PRTFDC1: variants seen among roughly 807,000 people sequenced by gnomAD.
PRTFDC1 encodes the protein phosphoribosyl transferase domain containing 1.
A neutral mutation model predicts 34.6 loss-of-function variants in PRTFDC1; 38 were observed. That is an observed-to-expected ratio of 1.10 (90% confidence interval 0.85 to 1.44). PRTFDC1 has a LOEUF of 1.44. Ranked by LOEUF, PRTFDC1 falls within the 40% of genes most tolerant of loss-of-function variation. The pLI is 0.00. For synonymous variants in PRTFDC1, 93 were observed against 98.1 expected (o/e 0.95, Z 0.31); for missense variants, 270 against 283.0 (o/e 0.95, Z 0.33).
At chr10:24,854,916 T>C (rs976788229) in intron 7 of PRTFDC1, among the ~76,000 whole-genome samples, 5 of 152,166 alleles carry the variant, frequency 3.3e-5, no homozygotes, top group Non-Finnish European at 7.4e-5. Context: ...CCATAGCACC[T>C]CTCCTTGTCT....
chr10:24,946,383 C>G (rs1289004799), intron 1 of PRTFDC1, among the ~76,000 whole-genome samples: 1 of 151,800 alleles, frequency 6.6e-6, no homozygotes, highest in Non-Finnish European at 1.5e-5. Flanking sequence ...TGATGTTTGA[C>G]GCATAATGCC....
chr10:24,908,731 C>G (rs1305240705), intron 3 of PRTFDC1: 1 of 1,528,602 alleles, frequency 6.5e-7, no homozygotes, highest in Admixed American at 2.0e-5. Context: ...AAGGAGACAC[C>G]TACCTAGCCA....
At chr10:24,936,061 G>A (rs1342743032) in intron 3 of PRTFDC1, among the ~76,000 whole-genome samples, 1 of 152,168 alleles carries the variant, frequency 6.6e-6, no homozygotes, top group Non-Finnish European at 1.5e-5. Flanking sequence ...AAGCCACTAC[G>A]TTTGTGGTGA....
intron 3 of PRTFDC1, among the ~76,000 whole-genome samples, chr10:24,928,321 C>T (rs1387450395): frequency 6.6e-6 from 1 of 152,098 alleles, no homozygotes; most frequent in African/African-American, 2.4e-5. Flanking sequence ...TCTGGCACCC[C>T]CCCACAACTG....
chr10:24,883,591 T>C (rs1462096869), intron 3 of PRTFDC1, among the ~76,000 whole-genome samples: 1 of 152,328 alleles, frequency 6.6e-6, no homozygotes, highest in African/African-American at 2.4e-5. Context: ...TTGCTTTACA[T>C]GAACTTTGTT....
chr10:24,947,622 T>TA (rs1266045945), intron 1 of PRTFDC1, among the ~76,000 whole-genome samples: 2 of 152,012 alleles, frequency 1.3e-5, no homozygotes, highest in Non-Finnish European at 2.9e-5. Flanking sequence ...TGTAAGTCAT[T>TA]AAAAATAATT....
At chr10:24,877,361 A>T (rs1254997468) in intron 3 of PRTFDC1, among the ~76,000 whole-genome samples, 1 of 152,148 alleles carries the variant, frequency 6.6e-6, no homozygotes, top group East Asian at 1.9e-4. Context: ...TAATGGTTCA[A>T]AATCATCCTA....
rs1302083672 is a variant in PRTFDC1, at chr10:24,949,533, G to A, written c.48+2995C>T. Among the ~76,000 whole-genome samples the A allele has an allele frequency of 5.3e-5, 8 of 151,926 alleles. No homozygotes were observed. The East Asian group carries it at 7.7e-4, about 15-fold the overall frequency. ...TGCCTTCTACCAGCAGCTTCGATTC[G>A]CTCTGAAGTTGCCTGCTTATATCCA... On this transcript the variant is annotated intron_variant, in intron 1 of 8. Transcript: ENST00000320152.
chr10:24,925,101 A>T (rs935998686), intron 3 of PRTFDC1, among the ~76,000 whole-genome samples: 5 of 152,234 alleles, frequency 3.3e-5, no homozygotes, highest in African/African-American at 1.2e-4. Flanking sequence ...TGGATTAAGA[A>T]AATGTGGCAC....
chr10:24,901,829 T>C (rs1848454504), intron 3 of PRTFDC1, among the ~76,000 whole-genome samples: 1 of 152,232 alleles, frequency 6.6e-6, no homozygotes, highest in African/African-American at 2.4e-5. Flanking sequence ...TCTCTTACTG[T>C]TGTGTTGGCT....
intron 3 of PRTFDC1, among the ~76,000 whole-genome samples, chr10:24,898,638 A>G (rs915856682): frequency 2.6e-5 from 4 of 151,978 alleles, no homozygotes; most frequent in Non-Finnish European, 5.9e-5. Context: ...TTCTTGCCTC[A>G]TTACCCAAGA....
intron 3 of PRTFDC1, among the ~76,000 whole-genome samples, chr10:24,886,601 CTG>C (rs1848168187): frequency 6.6e-6 from 1 of 152,136 alleles, no homozygotes; most frequent in African/African-American, 2.4e-5. Flanking sequence ...GCCTAAGAGT[CTG>C]TGTTTCTTTC....
At chr10:24,866,082 T>C (rs905798400) in intron 4 of PRTFDC1, among the ~76,000 whole-genome samples, 1 of 152,082 alleles carries the variant, frequency 6.6e-6, no homozygotes, top group African/African-American at 2.4e-5. Flanking sequence ...AATCTTAGGC[T>C]GGGCACAGTG....
At chr10:24,880,083 A>T (rs969409974) in intron 3 of PRTFDC1, among the ~76,000 whole-genome samples, 1 of 152,184 alleles carries the variant, frequency 6.6e-6, no homozygotes, top group African/African-American at 2.4e-5. Context: ...CAGTTTCCTT[A>T]TGAATAAAAA....
intron 3 of PRTFDC1, among the ~76,000 whole-genome samples, chr10:24,924,297 A>G (rs1246382411): frequency 6.6e-6 from 1 of 152,224 alleles, no homozygotes; most frequent in Non-Finnish European, 1.5e-5. Flanking sequence ...CAGGAAATAC[A>G]GAGAACACCA....
chr10:24,909,489 GT>G (rs942492741), intron 3 of PRTFDC1, among the ~76,000 whole-genome samples: 1 of 151,814 alleles, frequency 6.6e-6, no homozygotes, highest in African/African-American at 2.4e-5. Context: ...AGCCTTTTTT[GT>G]CCCCCTAATT....
At chr10:24,864,013 CAAA>C (rs71399939) in intron 4 of PRTFDC1, among the ~76,000 whole-genome samples, 13 of 105,906 alleles carry the variant, frequency 1.2e-4, no homozygotes, top group Admixed American at 1.0e-4. Flanking sequence ...CAACTCGTCT[CAAA>C]AAAAAAAAAA....
intron 1 of PRTFDC1, among the ~76,000 whole-genome samples, chr10:24,950,542 A>G (rs1162814273): frequency 1.3e-5 from 2 of 152,062 alleles, no homozygotes; most frequent in Non-Finnish European, 2.9e-5. Context: ...CTCCCTACTA[A>G]TGGCTTTGTA....
At chr10:24,879,097 G>A (rs1038268383) in intron 3 of PRTFDC1, among the ~76,000 whole-genome samples, 3 of 152,122 alleles carry the variant, frequency 2.0e-5, no homozygotes, top group East Asian at 1.9e-4. Flanking sequence ...CAACTGGCTC[G>A]AATTGATTTT....
Sources: gnomAD v4.1 joint callset for allele counts (sites outside exome capture counted in the v4.1 genomes callset) on GRCh38, gnomAD v4.1.1 for gene constraint, MANE v1.5 for transcripts, NCBI Gene and HGNC (gene_info 2026-07-23, HGNC 2026-07-21) for gene names.